MAP3K5: variants seen among roughly 807,000 people sequenced by gnomAD.
MAP3K5 encodes the protein ASK-1.
In MAP3K5, 56 loss-of-function variants were observed where a neutral mutation model predicts 158.7. That is an observed-to-expected ratio of 0.35 (90% CI 0.28 to 0.44). The LOEUF is 0.44. Among genes scored for constraint, MAP3K5 ranks in the 20% least tolerant of loss-of-function variants. The probability of loss-of-function intolerance (pLI) is 1.00; values close to 1 mark genes in which losing one functional copy is unlikely to be tolerated. For missense variants in MAP3K5, 1,294 were observed against 1,674.8 expected (o/e 0.77, Z 3.97); for synonymous variants, 579 against 601.7 (o/e 0.96, Z 0.55).
At chr6:136,615,783 A>G (rs1346621649) in intron 15 of MAP3K5, among the ~76,000 whole-genome samples, 1 of 152,184 alleles carries the variant, frequency 6.6e-6, no homozygotes, top group Non-Finnish European at 1.5e-5. Flanking sequence ...ATACACTAAT[A>G]ATTCACATTA....
chr6:136,673,769 G>GGTT (rs1268931425), intron 7 of MAP3K5, among the ~76,000 whole-genome samples: 10 of 149,740 alleles, frequency 6.7e-5, no homozygotes, highest in African/African-American at 2.0e-4. Context: ...AAACAGAGGA[G>GGTT]ACACAGTTAA....
intron 18 of MAP3K5, among the ~76,000 whole-genome samples, chr6:136,605,970 T>C (rs148660656): frequency 1.6e-4 from 25 of 152,344 alleles, no homozygotes; most frequent in African/African-American, 5.8e-4. Context: ...CTCCTGCTGC[T>C]GTCTGTGGTC....
intron 7 of MAP3K5, 34 bp downstream of exon 7, chr6:136,694,106 A>T (rs773019286): frequency 6.5e-7 from 1 of 1,535,298 alleles, no homozygotes; most frequent in South Asian, 1.2e-5. Flanking sequence ...TGGATTTACT[A>T]AGTAAGTAGC....
At chr6:136,690,746 A>T (rs1335614972) in intron 7 of MAP3K5, among the ~76,000 whole-genome samples, 4 of 151,808 alleles carry the variant, frequency 2.6e-5, no homozygotes, top group African/African-American at 9.7e-5. Context: ...GTTCCCTGTG[A>T]TTTCTTTGTT....
intron 14 of MAP3K5, among the ~76,000 whole-genome samples, chr6:136,627,429 G>A (rs1042185982): frequency 3.3e-5 from 5 of 152,204 alleles, no homozygotes; most frequent in Admixed American, 1.3e-4. Context: ...TTGGCAGCTT[G>A]TTACTTTCCG....
chr6:136,717,170 C>T (rs964989019), intron 2 of MAP3K5, among the ~76,000 whole-genome samples: 2 of 150,980 alleles, frequency 1.3e-5, no homozygotes, highest in Non-Finnish European at 3.0e-5. Context: ...GAAAAAAATA[C>T]TAAAATTTTT....
At chr6:136,681,057 G>A (rs1019197040) in intron 7 of MAP3K5, among the ~76,000 whole-genome samples, 9 of 152,180 alleles carry the variant, frequency 5.9e-5, no homozygotes, top group African/African-American at 1.9e-4. Context: ...ATGGAACCAC[G>A]AAAGCAGAAT....
intron 2 of MAP3K5, among the ~76,000 whole-genome samples, chr6:136,706,058 GAC>G (rs1781064170): frequency 6.6e-6 from 1 of 152,156 alleles, no homozygotes; most frequent in South Asian, 2.1e-4. Flanking sequence ...ATGAGCTCGA[GAC>G]CAGCCTGGCC....
intron 14 of MAP3K5, among the ~76,000 whole-genome samples, chr6:136,627,816 T>C (rs1021932154): frequency 3.3e-5 from 5 of 152,208 alleles, no homozygotes; most frequent in Non-Finnish European, 7.3e-5. Context: ...GGCATTTTGT[T>C]ATAGCGGCCT....
At chr6:136,628,773 G>A (rs1777167353) in intron 14 of MAP3K5, among the ~76,000 whole-genome samples, 1 of 152,164 alleles carries the variant, frequency 6.6e-6, no homozygotes, top group African/African-American at 2.4e-5. Flanking sequence ...TGTTATTTAA[G>A]TAAAACCATC....
At chr6:136,766,781 A>C (rs1186230619) in intron 1 of MAP3K5, among the ~76,000 whole-genome samples, 1 of 152,214 alleles carries the variant, frequency 6.6e-6, no homozygotes, top group Non-Finnish European at 1.5e-5. Flanking sequence ...ATGCTAAACT[A>C]TGCACCCTGG....
At chr6:136,730,298 A>G (rs1297206293) in intron 1 of MAP3K5, among the ~76,000 whole-genome samples, 2 of 151,426 alleles carry the variant, frequency 1.3e-5, no homozygotes, top group African/African-American at 2.4e-5. Flanking sequence ...ACAACTGGCC[A>G]AACTTTTTTT....
At chr6:136,565,528 C>T (rs1215478215) in intron 26 of MAP3K5, among the ~76,000 whole-genome samples, 1 of 152,202 alleles carries the variant, frequency 6.6e-6, no homozygotes, top group Non-Finnish European at 1.5e-5. Flanking sequence ...ACCTCTTGGG[C>T]TCAGGTGATC....
intron 7 of MAP3K5, among the ~76,000 whole-genome samples, chr6:136,688,623 G>GTT (rs1780257223): frequency 6.6e-6 from 1 of 152,094 alleles, no homozygotes; most frequent in Non-Finnish European, 1.5e-5. Flanking sequence ...GCCAGAATTT[G>GTT]TAAGTACAGA....
Position 136,605,371 on chromosome 6 carries a change from A to AAAC in MAP3K5, c.2522-8_2522-6dup, listed in dbSNP as rs545772494. ...GTGCCATATACTGGAGGGTACCTGGAAACAATTCAAACACATTTCCATTTT... is the reference window on the plus strand; with the variant it reads ...GTGCCATATACTGGAGGGTACCTGGAAACAACAATTCAAACACATTTCCATTTT... On this transcript the variant is annotated splice_polypyrimidine_tract_variant and splice_region_variant and intron_variant, in intron 18 of 29. Transcript: ENST00000359015. 2.1e-4 allele frequency: 334 copies of AAAC among 1,599,798 alleles called. 1 individual carries two copies. Among genetic ancestry groups the AAAC allele is most frequent in the Admixed American group, 1.7e-3 (99 of 56,744 alleles).
At chr6:136,765,307 C>G (rs1415553755) in intron 1 of MAP3K5, among the ~76,000 whole-genome samples, 2 of 151,938 alleles carry the variant, frequency 1.3e-5, no homozygotes, top group African/African-American at 2.4e-5. Flanking sequence ...AAACTGTTTT[C>G]TTTAGAGGTC....
intron 15 of MAP3K5, among the ~76,000 whole-genome samples, chr6:136,619,672 G>GA (rs1373334790): frequency 6.6e-6 from 1 of 152,218 alleles, no homozygotes; most frequent in African/African-American, 2.4e-5. Flanking sequence ...AGGAGTGGAG[G>GA]AAAGAGCGAA....
intron 11 of MAP3K5, among the ~76,000 whole-genome samples, chr6:136,649,064 G>C (rs1180093701): frequency 6.6e-6 from 1 of 152,184 alleles, no homozygotes; most frequent in Admixed American, 6.5e-5. Context: ...CTGCCTCCCG[G>C]GTTCCAGCAA....
At chr6:136,611,444 G>T in intron 17 of MAP3K5, 57 bp from the exon 18 acceptor site, 2 of 969,982 alleles carry the variant, frequency 2.1e-6, no homozygotes, top group South Asian at 1.5e-5. Flanking sequence ...ACTGTCTGTT[G>T]TTGACTTGGT....
Sources: gnomAD v4.1 joint callset for allele counts (sites outside exome capture counted in the v4.1 genomes callset) on GRCh38, gnomAD v4.1.1 for gene constraint, MANE v1.5 for transcripts, NCBI Gene and HGNC (gene_info 2026-07-23, HGNC 2026-07-21) for gene names.